The following SNAP25 variants were observed in gnomAD, a reference collection of about 807,000 sequenced individuals.
SNAP25 encodes the protein synaptosomal-associated protein 25.
In SNAP25, 3 loss-of-function variants were observed where a neutral mutation model predicts 28.7. The ratio of observed to expected loss-of-function variants is 0.10; its 90% confidence interval spans 0.05 to 0.27. The LOEUF (loss-of-function observed/expected upper bound fraction) is 0.27, where lower values mean the gene tolerates loss of function less well. Among genes scored for constraint, SNAP25 ranks in the 10% least tolerant of loss-of-function variants. The probability of loss-of-function intolerance (pLI) is 1.00; values close to 1 mark genes in which losing one functional copy is unlikely to be tolerated. For synonymous variants in SNAP25, 61 were observed against 88.1 expected (o/e 0.69, Z 1.72); for missense variants, 117 against 278.7 (o/e 0.42, Z 4.13).
At chr20:10,301,907 T>TTA (rs1157256299) in intron 7 of SNAP25, among the ~76,000 whole-genome samples, 18 of 147,104 alleles carry the variant, frequency 1.2e-4, no homozygotes, top group East Asian at 1.2e-3. Flanking sequence ...TATATGGTTA[T>TTA]TATATATATA....
intron 7 of SNAP25, among the ~76,000 whole-genome samples, chr20:10,303,998 G>T (rs2064298288): frequency 6.6e-6 from 1 of 152,180 alleles, no homozygotes; most frequent in Non-Finnish European, 1.5e-5. Context: ...AGCAAGCCAA[G>T]TTCTCATACG....
chr20:10,241,919 A>G (rs1477701262), intron 1 of SNAP25, among the ~76,000 whole-genome samples: 1 of 152,138 alleles, frequency 6.6e-6, no homozygotes, highest in Non-Finnish European at 1.5e-5. Flanking sequence ...ATCTTTCTAC[A>G]AGATACTCTG....
rs533739978 is a variant in SNAP25 at position 10,256,408 on chromosome 20, A to G, written c.-63-19021A>G. ...GAATTAGGGCTTTAATTCTTTCCGT[A>G]TGTACACTAAAACAAATTTTAGCTG... On this transcript the variant is annotated intron_variant, in intron 1 of 7. Coordinates refer to ENST00000254976, the MANE Select transcript of SNAP25 (RefSeq NM_130811.4). 4.6e-5 allele frequency among the ~76,000 whole-genome samples: 7 copies of G among 152,338 alleles called. No homozygotes were observed. In the East Asian group the frequency reaches 1.3e-3, roughly 29 times the overall value.
intron 1 of SNAP25, among the ~76,000 whole-genome samples, chr20:10,244,111 A>T (rs1181510359): frequency 6.6e-6 from 1 of 152,170 alleles, no homozygotes; most frequent in East Asian, 1.9e-4. Context: ...TGTTTCTAGG[A>T]GTTATTGCCA....
intron 1 of SNAP25, among the ~76,000 whole-genome samples, chr20:10,262,559 C>A (rs2122898569): frequency 6.6e-6 from 1 of 151,292 alleles, no homozygotes; most frequent in Non-Finnish European, 1.5e-5. Flanking sequence ...CCTCTAAGTA[C>A]ATGGCGTCCA....
intron 4 of SNAP25, among the ~76,000 whole-genome samples, chr20:10,285,504 C>T (rs2063858114): frequency 6.6e-6 from 1 of 152,270 alleles, no homozygotes; most frequent in East Asian, 1.9e-4. Flanking sequence ...TGATTCCGTT[C>T]TGAATTCTTA....
At chr20:10,258,533 A>G (rs114826993) in intron 1 of SNAP25, among the ~76,000 whole-genome samples, 19 of 152,258 alleles carry the variant, frequency 1.2e-4, no homozygotes, top group Admixed American at 3.3e-4. Flanking sequence ...CCTTCTCCCA[A>G]TGTTCTCAGA....
intron 6 of SNAP25, among the ~76,000 whole-genome samples, chr20:10,297,899 A>G (rs1221430112): frequency 6.6e-6 from 1 of 152,142 alleles, no homozygotes; most frequent in Non-Finnish European, 1.5e-5. Context: ...CTTCTTATTA[A>G]TGATTTATTT....
At chr20:10,247,749 C>T (rs1398316929) in intron 1 of SNAP25, among the ~76,000 whole-genome samples, 1 of 152,136 alleles carries the variant, frequency 6.6e-6, no homozygotes, top group Non-Finnish European at 1.5e-5. Flanking sequence ...GGGCAGAGCT[C>T]GGAGAGAGGA....
chr20:10,230,766 G>T (rs940897928), intron 1 of SNAP25, among the ~76,000 whole-genome samples: 12 of 152,176 alleles, frequency 7.9e-5, no homozygotes, highest in Admixed American at 5.9e-4. Flanking sequence ...TGGGTACTTA[G>T]CAAGAGAAGA....
At chr20:10,302,090 G>A (rs2064253375) in intron 7 of SNAP25, among the ~76,000 whole-genome samples, 1 of 151,924 alleles carries the variant, frequency 6.6e-6, no homozygotes, top group Non-Finnish European at 1.5e-5. Context: ...GTTATCAGTG[G>A]TAAGTTAGGC....
intron 5 of SNAP25, among the ~76,000 whole-genome samples, chr20:10,296,015 A>T (rs976165000): frequency 1.3e-5 from 2 of 152,128 alleles, no homozygotes; most frequent in African/African-American, 4.8e-5. Flanking sequence ...AAGCTACTGA[A>T]CCTGCGTTTC....
At chr20:10,269,520 A>G (rs1413542711) in intron 1 of SNAP25, among the ~76,000 whole-genome samples, 2 of 152,238 alleles carry the variant, frequency 1.3e-5, no homozygotes, top group Non-Finnish European at 2.9e-5. Flanking sequence ...ATGTGTGTCT[A>G]TAGGAAATGT....
In SNAP25 at chr20:10,306,244, T is replaced by A; in HGVS notation, c.*47T>A. The A allele has an allele frequency of 6.4e-7, 1 of 1,552,136 alleles. No homozygotes were observed. The highest frequency in any genetic ancestry group is 8.9e-7 in the Non-Finnish European group (1 of 1,124,834). On this transcript the variant is annotated 3_prime_UTR_variant, in exon 8 of 8. Coordinates refer to ENST00000254976, the MANE Select transcript of SNAP25 (RefSeq NM_130811.4). ...TCCAAATGCTGTCGGGCAAGATAGC[T>A]CCTTCATGCTTTTCTCATGGTATTA...
intron 1 of SNAP25, among the ~76,000 whole-genome samples, chr20:10,254,749 A>G (rs946959780): frequency 1.3e-5 from 2 of 152,202 alleles, no homozygotes; most frequent in Non-Finnish European, 2.9e-5. Context: ...AAATCCTCCA[A>G]GGAAAAAACA....
chr20:10,299,977 T>C (rs1385240239), intron 7 of SNAP25, among the ~76,000 whole-genome samples: 1 of 152,190 alleles, frequency 6.6e-6, no homozygotes, highest in Non-Finnish European at 1.5e-5. Context: ...CAGGACATGA[T>C]TATGAGCTTT....
intron 1 of SNAP25, among the ~76,000 whole-genome samples, chr20:10,222,222 T>C (rs1432416288): frequency 6.6e-6 from 1 of 152,230 alleles, no homozygotes; most frequent in Non-Finnish European, 1.5e-5. Flanking sequence ...AACAATAAGT[T>C]AATAAATAAA....
chr20:10,269,168 G>A (rs549210579), intron 1 of SNAP25, among the ~76,000 whole-genome samples: 6 of 152,304 alleles, frequency 3.9e-5, no homozygotes, highest in African/African-American at 1.2e-4. Flanking sequence ...CCGGCACTTT[G>A]GGAGGTCAGG....
intron 3 of SNAP25, among the ~76,000 whole-genome samples, chr20:10,281,970 C>T (rs1421039977): frequency 6.6e-6 from 1 of 152,122 alleles, no homozygotes; most frequent in African/African-American, 2.4e-5. Flanking sequence ...AGAGCACTAG[C>T]ATTATGAAGA....
Sources: allele counts gnomAD v4.1 joint callset (sites outside exome capture counted in the v4.1 genomes callset), GRCh38; gene constraint gnomAD v4.1.1; transcripts MANE v1.5; gene names NCBI Gene and HGNC (gene_info 2026-07-23, HGNC 2026-07-21).